TMEM242: variants seen among roughly 807,000 people sequenced by gnomAD.
TMEM242 encodes the protein UPF0463 transmembrane protein C6orf35.
TMEM242 carries 10 observed loss-of-function variants against 18.2 expected under a neutral mutation model. The ratio of observed to expected loss-of-function variants is 0.55; its 90% CI spans 0.34 to 0.93. The LOEUF (loss-of-function observed/expected upper bound fraction) is 0.93, where lower values mean the gene tolerates loss of function less well. Ranked by LOEUF, TMEM242 falls within the 40% of genes least tolerant of loss-of-function variation. The pLI is 0.02. For missense variants in TMEM242, 186 were observed against 175.5 expected, an observed-to-expected ratio of 1.06 and a Z score of -0.34; for synonymous variants, 57 against 69.9, an observed-to-expected ratio of 0.81 and a Z score of 0.92.
chr6:157,301,791 G>C (rs782017797), intron 3 of TMEM242, among the ~76,000 whole-genome samples: 1 of 152,064 alleles, frequency 6.6e-6, no homozygotes, highest in Non-Finnish European at 1.5e-5. Flanking sequence ...AATTAGCCGG[G>C]TGTGGTGGTG....
chr6:157,313,151 C>A (rs868975944), intron 3 of TMEM242, among the ~76,000 whole-genome samples: 15 of 132,342 alleles, frequency 1.1e-4, no homozygotes, highest in East Asian at 2.3e-4. Flanking sequence ...AGTGTGCGCT[C>A]ACCTGGCCTC....
At chr6:157,296,496 A>C (rs1183084987) in intron 3 of TMEM242, among the ~76,000 whole-genome samples, 1 of 152,210 alleles carries the variant, frequency 6.6e-6, no homozygotes, top group Non-Finnish European at 1.5e-5. Flanking sequence ...AGACCTGGCC[A>C]ACGTGGTAAA....
At chr6:157,315,238 C>T (rs1404064417) in intron 3 of TMEM242, among the ~76,000 whole-genome samples, 1 of 152,210 alleles carries the variant, frequency 6.6e-6, no homozygotes, top group Non-Finnish European at 1.5e-5. Context: ...AGCCTCAGAG[C>T]AGGGTCATAC....
Position 157,322,781 on chromosome 6 carries a change from G to A in TMEM242, c.113C>T (p.Ala38Val). The change falls in exon 2 of 4, where the codon GCT becomes GTT. Residue 38 changes from alanine (A) to valine (V), a missense_variant. Coordinates refer to ENST00000400788, the MANE Select transcript of TMEM242 (RefSeq NM_018452.6). ...AAATCCAGCTAGCATTCCCGCTGCA[G>A]CAACGGTACCAAGGAAAATTCCACC... ...VKGGIFLGTV[A>V]AAGMLAGFIT... 1.2e-6 allele frequency: 2 copies of A among 1,613,932 alleles called. No homozygotes were observed. Among genetic ancestry groups the A allele is most frequent in the East Asian group, 2.2e-5 (1 of 44,868 alleles).
intron 3 of TMEM242, among the ~76,000 whole-genome samples, chr6:157,293,728 C>T (rs1313328574): frequency 2.6e-5 from 4 of 151,884 alleles, no homozygotes; most frequent in East Asian, 1.9e-4. Context: ...ATCAGAGTCA[C>T]AGCAAGGGAA....
intron 3 of TMEM242, among the ~76,000 whole-genome samples, chr6:157,309,126 G>A (rs1327778375): frequency 2.0e-5 from 3 of 152,082 alleles, no homozygotes; most frequent in Non-Finnish European, 4.4e-5. Context: ...ACTGTTTAGT[G>A]AAAAAAGATT....
intron 3 of TMEM242, among the ~76,000 whole-genome samples, chr6:157,311,457 C>CGGCCTCATCATAGTGCCCCAGTG (rs1778091634): frequency 1.1e-5 from 1 of 95,068 alleles, no homozygotes; most frequent in African/African-American, 4.3e-5. Context: ...AGTGTGCAAT[C>CGGCCTCATCATAGTGCCCCAGTG]ACCTGGCCTC....
intron 3 of TMEM242, among the ~76,000 whole-genome samples, chr6:157,294,411 C>T (rs1455008493): frequency 6.8e-5 from 9 of 132,200 alleles, no homozygotes; most frequent in African/African-American, 2.1e-4. Flanking sequence ...AGTGCAGTGG[C>T]GGGATCTCGG....
chr6:157,311,175 AATGTG>A lies in TMEM242; in HGVS notation c.327+7602_327+7606del, dbSNP rs1554248639. Among the ~76,000 whole-genome samples, 79 of 111,334 alleles carry A rather than the reference AATGTG, an allele frequency of 7.1e-4. 14 individuals carry two copies. Among genetic ancestry groups the A allele is most frequent in the Non-Finnish European group, 1.1e-3 (60 of 53,576 alleles). 73.0% of individuals were successfully genotyped at this position (111,334 alleles called of 152,430 possible). A position where few individuals can be genotyped will look rare whatever the true frequency, so the allele number is the denominator to read the frequency against. ...TCACCTAGCCCCATCATAGTGTCCG[AATGTG>A]CGCTCACCCAGCCTGATCATACTGT... On this transcript the variant is annotated intron_variant, in intron 3 of 3. Coordinates refer to ENST00000400788, the MANE Select transcript of TMEM242 (RefSeq NM_018452.6).
At chr6:157,315,296 A>G (rs1554250215) in intron 3 of TMEM242, among the ~76,000 whole-genome samples, 1 of 152,256 alleles carries the variant, frequency 6.6e-6, no homozygotes, top group Non-Finnish European at 1.5e-5. Context: ...ACCCCTTTAC[A>G]GGGTAGCGCT....
intron 3 of TMEM242, among the ~76,000 whole-genome samples, chr6:157,307,688 A>G (rs140843031): frequency 0.011 from 1,711 of 152,278 alleles, 30 homozygotes; most frequent in African/African-American, 0.038. Context: ...ACTTGAACCT[A>G]TTCACTGATG....
chr6:157,320,379 A>G (rs148823479), intron 2 of TMEM242, among the ~76,000 whole-genome samples: 1,542 of 152,350 alleles, frequency 0.01, 37 homozygotes, highest in Non-Finnish European at 8.7e-3. Flanking sequence ...AAATCATTTT[A>G]GATTAATATA....
intron 3 of TMEM242, among the ~76,000 whole-genome samples, chr6:157,301,760 C>T (rs781825493): frequency 2.6e-5 from 4 of 151,974 alleles, no homozygotes; most frequent in Non-Finnish European, 5.9e-5. Flanking sequence ...AGTGAAACCC[C>T]ATTTCTACTA....
Position 157,289,039 on chromosome 6 carries a change from T to C in TMEM242, c.*3862A>G, listed in dbSNP as rs1053086945. Among the ~76,000 whole-genome samples, 12 of 138,222 alleles carry C rather than the reference T, an allele frequency of 8.7e-5. No homozygotes were observed. Among genetic ancestry groups the C allele is most frequent in the Non-Finnish European group, 7.6e-5 (5 of 65,652 alleles). 90.7% of individuals were successfully genotyped at this position (138,222 alleles called of 152,430 possible). A position where few individuals can be genotyped will look rare whatever the true frequency, so the allele number is the denominator to read the frequency against. On this transcript the variant is annotated 3_prime_UTR_variant, in exon 4 of 4. Coordinates refer to ENST00000400788, the MANE Select transcript of TMEM242 (RefSeq NM_018452.6). Reference sequence around the variant, plus strand: ...CTTTATCCTTATGTCTTTAAGTACATTTAATACATTCACCTTTTTTTTTTT... The same window carrying C: ...CTTTATCCTTATGTCTTTAAGTACACTTAATACATTCACCTTTTTTTTTTT...
At chr6:157,298,340 C>A (rs1777778907) in intron 3 of TMEM242, among the ~76,000 whole-genome samples, 1 of 152,186 alleles carries the variant, frequency 6.6e-6, no homozygotes, top group African/African-American at 2.4e-5. Context: ...GCCAAACAAA[C>A]AACAGTAACT....
chr6:157,307,025 C>T (rs782263477), intron 3 of TMEM242, among the ~76,000 whole-genome samples: 10 of 152,180 alleles, frequency 6.6e-5, no homozygotes, highest in Non-Finnish European at 1.3e-4. Context: ...TACTTACAAA[C>T]TGTACATATC....
Position 157,318,804 on chromosome 6 carries a change from C to G in TMEM242, c.305G>C (p.Trp102Ser). Reference sequence around the variant, plus strand: ...TACACTGTGAACTCCTAAAGCTTTCCAGACTGCGAAGCTAATCACACCAAC... The same window carrying G: ...TACACTGTGAACTCCTAAAGCTTTCGAGACTGCGAAGCTAATCACACCAAC... ...CGVGVISFAV[W>S]KALGVHSMND... is the part of the protein sequence containing the mutation. Residue 102 changes from tryptophan (W) to serine (S), a missense_variant, in exon 3 of 4, where the codon TGG (tryptophan) becomes TCG (serine). Transcript: ENST00000400788. 4 of 1,614,050 alleles carry G rather than the reference C, an allele frequency of 2.5e-6. No homozygotes were observed. The highest frequency in any genetic ancestry group is 3.4e-6 in the Non-Finnish European group (4 of 1,180,010).
In TMEM242 at chr6:157,305,862, G is replaced by T. The variant is rs1554247881; in HGVS notation, c.328-12863C>A. ...ACCTTAATAGCAGTTCCAGTGCAGC[G>T]CTGGGGCAAGGAGCTGGACTGAGAG... On this transcript the variant is annotated intron_variant, in intron 3 of 3. Transcript: ENST00000400788. The surrounding 1 kb of genome is among the most constrained non-coding windows in gnomAD (Gnocchi z 4.1). Among the ~76,000 whole-genome samples the T allele has an allele frequency of 6.6e-6, 1 of 152,178 alleles. No homozygotes were observed. The highest frequency in any genetic ancestry group is 1.5e-5 in the Non-Finnish European group (1 of 68,036).
At chr6:157,312,351 C>CATA (rs1778174220) in intron 3 of TMEM242, among the ~76,000 whole-genome samples, 1 of 137,742 alleles carries the variant, frequency 7.3e-6, no homozygotes, top group Non-Finnish European at 1.6e-5. Flanking sequence ...CACCTAGCCT[C>CATA]ATCATGTCCC....
Sources: gnomAD v4.1 joint callset for allele counts (sites outside exome capture counted in the v4.1 genomes callset) on GRCh38, gnomAD v4.1.1 for gene constraint, Gnocchi (gnomAD v3.1) non-coding constraint, MANE v1.5 for transcripts, NCBI Gene and HGNC (gene_info 2026-07-23, HGNC 2026-07-21) for gene names.